TRAPPC6A: variants seen among roughly 807,000 people sequenced by gnomAD.
TRAPPC6A encodes the protein trafficking protein particle complex subunit 6A, also known as TRAPP complex subunit 6A.
In TRAPPC6A, 25 loss-of-function variants were observed where a neutral mutation model predicts 20.8. The observed-to-expected ratio is 1.20, with a 90% CI of 0.88 to 1.68. The LOEUF (loss-of-function observed/expected upper bound fraction) is 1.68, where lower values mean the gene tolerates loss of function less well. Among genes scored for constraint, TRAPPC6A ranks in the 40% most tolerant of loss-of-function variants. TRAPPC6A has a pLI of 0.00. For missense variants in TRAPPC6A, 215 were observed against 211.6 expected, an observed-to-expected ratio of 1.02 and a Z score of -0.10; for synonymous variants, 96 against 93.3, an observed-to-expected ratio of 1.03 and a Z score of -0.16.
chr19:45,175,506 G>A (rs1053925890), intron 1 of TRAPPC6A, among the ~76,000 whole-genome samples: 4 of 152,126 alleles, frequency 2.6e-5, no homozygotes, highest in Admixed American at 2.6e-4. Context: ...GGGAGACCAG[G>A]AGAATGTATA....
intron 1 of TRAPPC6A, among the ~76,000 whole-genome samples, chr19:45,165,455 C>T (rs965025432): frequency 6.6e-6 from 1 of 152,252 alleles, no homozygotes. Context: ...GCTCCCCCTT[C>T]CCTCAGGAAC....
chr19:45,169,638 TGGA>T lies in TRAPPC6A; in HGVS notation c.85-4447_85-4445del, dbSNP rs527659075. ...GCCAATGAGGGATGAAGCCCTTGGCTGGAGGAGAACCCCAGGAAGGAAGGGGGT... is the reference window on the plus strand; with the variant it reads ...GCCAATGAGGGATGAAGCCCTTGGCTGGAGAACCCCAGGAAGGAAGGGGGT... On this transcript the variant is annotated intron_variant, in intron 1 of 5. Transcript: ENST00000585934. 6.7e-3 allele frequency among the ~76,000 whole-genome samples: 1,017 copies of T among 152,356 alleles called. 10 individuals carry two copies. Among genetic ancestry groups the T allele is most frequent in the Middle Eastern group, 0.024 (7 of 294 alleles).
Position 45,165,188 on chromosome 19 carries a change from T to C in TRAPPC6A, c.91A>G (p.Lys31Glu), listed in dbSNP as rs145458791. ...CCCTCCAGGACCGACAGGCTCATCT[T>C]CTGTCCCTAGAAGGCCAGGGGAGAG... The part of the protein sequence containing the change: ...HDPDPGPGGQ[K>E]MSLSVLEGMG... Residue 31 changes from lysine (K) to glutamate (E), a missense_variant, in exon 2 of 6, where the codon AAG becomes GAG. Coordinates refer to ENST00000585934, the MANE Select transcript of TRAPPC6A (RefSeq NM_001270891.2). The C allele has an allele frequency of 2.0e-4, 325 of 1,602,732 alleles. 3 individuals carry two copies. The African/African-American group carries it at 3.5e-3, about 17-fold the overall frequency.
Position 45,164,237 on chromosome 19 carries a change from A to G in TRAPPC6A, c.281T>C (p.Val94Ala), listed in dbSNP as rs767831655. The part of the protein sequence containing the change: ...SLRTNHQGTY[V>A]LQDNSFPLLL... ...GAGGGGGAAGCTGTTGTCTTGCAGG[A>G]CGTAGGTCCCCTGGGGGAGAGGAGA... Residue 94 changes from valine (V) to alanine (A), a missense_variant, in exon 4 of 6, where the codon GTC (valine) becomes GCC (alanine). Val to Ala is a moderately conservative substitution (Grantham distance 64). Coordinates refer to ENST00000585934, the MANE Select transcript of TRAPPC6A (RefSeq NM_001270891.2). The G allele has an allele frequency of 4.4e-6, 7 of 1,604,916 alleles. No homozygotes were observed. Among genetic ancestry groups the G allele is most frequent in the Non-Finnish European group, 6.0e-6 (7 of 1,175,322 alleles).
intron 1 of TRAPPC6A, 94 bp from the exon 2 acceptor site, chr19:45,165,288 C>T: frequency 3.3e-6 from 4 of 1,203,918 alleles, no homozygotes; most frequent in South Asian, 1.3e-5. Flanking sequence ...CAAAGACCAA[C>T]TTGCTGGTGC....
rs1969116158 is a variant in TRAPPC6A, at chr19:45,164,962, CG to C, written c.160del (p.Arg54GlyfsTer102). Reference sequence around the variant, plus strand: ...CTCCTCCCTGAAGGCCAGCGTCTCCCGGGGCAGCCTGGTGGGGCAGTACCAA... The same window carrying C: ...CTCCTCCCTGAAGGCCAGCGTCTCCCGGGCAGCCTGGTGGGGCAGTACCAA... ...VGQALGERLP[R>X]ETLAFREELD... On this transcript the variant is annotated frameshift_variant, in exon 3 of 6. Coordinates refer to ENST00000585934, the MANE Select transcript of TRAPPC6A (RefSeq NM_001270891.2). LOFTEE classifies it high-confidence loss of function. The C allele has an allele frequency of 6.2e-7, 1 of 1,614,092 alleles. No homozygotes were observed. The highest frequency in any genetic ancestry group is 8.5e-7 in the Non-Finnish European group (1 of 1,179,960).
At chr19:45,170,862 A>C (rs546906795) in intron 1 of TRAPPC6A, among the ~76,000 whole-genome samples, 22 of 152,264 alleles carry the variant, frequency 1.4e-4, no homozygotes, top group African/African-American at 4.3e-4. Context: ...AGCAAAAGGG[A>C]GGGGCCGAGG....
At chr19:45,166,670 C>T (rs955020904) in intron 1 of TRAPPC6A, among the ~76,000 whole-genome samples, 1 of 152,078 alleles carries the variant, frequency 6.6e-6, no homozygotes, top group Non-Finnish European at 1.5e-5. Flanking sequence ...GGAACAGAGG[C>T]GGCAGGTGTG....
chr19:45,169,396 A>G (rs1255774536), intron 1 of TRAPPC6A, among the ~76,000 whole-genome samples: 1 of 152,334 alleles, frequency 6.6e-6, no homozygotes, highest in African/African-American at 2.4e-5. Context: ...TCCTGGGTTC[A>G]GGTGATCCTC....
In TRAPPC6A at chr19:45,177,186, T is replaced by TGC. The variant is rs369046871; in HGVS notation, c.84+947_84+948dup. On this transcript the variant is annotated intron_variant, in intron 1 of 5. Coordinates refer to ENST00000585934, the MANE Select transcript of TRAPPC6A (RefSeq NM_001270891.2). ...CCTGGGCGACCGAGCAGGATGCGCG[T>TGC]GCGCGCACACACACACACACACACA... Among the ~76,000 whole-genome samples, 304 of 99,834 alleles carry TGC rather than the reference T, an allele frequency of 3.0e-3. 1 individual carries two copies. The highest frequency in any genetic ancestry group is 8.9e-3 in the Middle Eastern group (2 of 224). The allele number at this position is 99,834 out of a possible 152,430, so 65.5% of individuals were successfully genotyped here.
In TRAPPC6A at chr19:45,164,956, G is replaced by A. The variant is rs149627888; in HGVS notation, c.167C>T (p.Thr56Met). Reference sequence around the variant, plus strand: ...ATCCAGCTCCTCCCTGAAGGCCAGCGTCTCCCGGGGCAGCCTGGTGGGGCA... The same window carrying A: ...ATCCAGCTCCTCCCTGAAGGCCAGCATCTCCCGGGGCAGCCTGGTGGGGCA... ...QALGERLPRETLAFREELDVL... is the reference protein window; with the variant it reads ...QALGERLPREMLAFREELDVL... Residue 56 changes from threonine (T) to methionine (M), a missense_variant, in exon 3 of 6, where the codon ACG becomes ATG. Coordinates refer to ENST00000585934, the MANE Select transcript of TRAPPC6A (RefSeq NM_001270891.2). 6.2e-4 allele frequency: 998 copies of A among 1,614,000 alleles called. No individual in the cohort carries two copies. The highest frequency in any genetic ancestry group is 7.3e-4 in the Non-Finnish European group (866 of 1,179,978).
intron 3 of TRAPPC6A, 81 bp downstream of exon 3, chr19:45,164,772 C>T (rs1969108403): frequency 7.3e-7 from 1 of 1,377,612 alleles, no homozygotes; most frequent in Admixed American, 1.7e-5. Context: ...AGCCGCTGCT[C>T]TGGCGCCGGG....
chr19:45,168,471 T>C (rs1208417719), intron 1 of TRAPPC6A, among the ~76,000 whole-genome samples: 1 of 151,988 alleles, frequency 6.6e-6, no homozygotes, highest in African/African-American at 2.4e-5. Flanking sequence ...GGGCCCACAC[T>C]CACTCACACT....
At chr19:45,165,031 G>A in intron 2 of TRAPPC6A, 61 bp from the exon 3 acceptor site, 1 of 1,609,006 alleles carries the variant, frequency 6.2e-7, no homozygotes, top group Non-Finnish European at 8.5e-7. Context: ...AGGAAGACAG[G>A]CCCGACTCCT....
At chr19:45,178,037 G>C in intron 1 of TRAPPC6A, 98 bp downstream of exon 1, 2 of 1,583,762 alleles carry the variant, frequency 1.3e-6, no homozygotes, top group Non-Finnish European at 1.7e-6. Flanking sequence ...GGCCGGGGCT[G>C]GGCCGGGTTC....
intron 4 of TRAPPC6A, 44 bp from the exon 5 acceptor site, chr19:45,164,053 A>G (rs774430066): frequency 2.6e-6 from 4 of 1,554,742 alleles, no homozygotes; most frequent in Non-Finnish European, 2.6e-6. Flanking sequence ...AGGGGAGGCC[A>G]GCACCCGAGG....
At chr19:45,168,493 G>A (rs1002686231) in intron 1 of TRAPPC6A, among the ~76,000 whole-genome samples, 4 of 152,136 alleles carry the variant, frequency 2.6e-5, no homozygotes, top group Non-Finnish European at 4.4e-5. Context: ...GGCCCACGGA[G>A]ACCCGGGAGC....
intron 3 of TRAPPC6A, 50 bp downstream of exon 3, chr19:45,164,803 T>C (rs1190759161): frequency 1.5e-5 from 23 of 1,552,010 alleles, no homozygotes; most frequent in Non-Finnish European, 1.9e-5. Flanking sequence ...CCCACTCTCT[T>C]GGTCTTGCCC....
At position 45,171,576 on chromosome 19, in the gene TRAPPC6A, ATCAACACTT is replaced by A. The variant is rs374573441; in HGVS notation, c.85-6391_85-6383del. ...GAAATGAACAAATATGGTGGCCAAA[ATCAACACTT>A]TTTAACAAGGGAACTGAATAACAGA... On this transcript the variant is annotated intron_variant, in intron 1 of 5. Coordinates refer to ENST00000585934, the MANE Select transcript of TRAPPC6A (RefSeq NM_001270891.2). 3.7e-3 allele frequency among the ~76,000 whole-genome samples: 559 copies of A among 152,324 alleles called. 5 individuals carry two copies. The highest frequency in any genetic ancestry group is 0.013 in the African/African-American group (535 of 41,578).
Sources: gnomAD v4.1 joint callset for allele counts (sites outside exome capture counted in the v4.1 genomes callset) on GRCh38, gnomAD v4.1.1 for gene constraint, MANE v1.5 for transcripts, NCBI Gene and HGNC (gene_info 2026-07-23, HGNC 2026-07-21) for gene names.